Variants in PIK3C2G observed in about 807,000 individuals in gnomAD.
PIK3C2G encodes phosphatidylinositol 3-kinase C2 domain-containing subunit gamma.
PIK3C2G carries 168 observed loss-of-function variants against 181.1 expected under a neutral mutation model. The observed-to-expected ratio is 0.93, with a 90% CI of 0.82 to 1.05. The LOEUF (loss-of-function observed/expected upper bound fraction) is 1.05. PIK3C2G is among the 50% of genes least tolerant of loss of function. The pLI, the probability that PIK3C2G is intolerant of heterozygous loss-of-function variation, is 0.00. For missense variants in PIK3C2G, 1,869 were observed against 1,732.8 expected, an observed-to-expected ratio of 1.08 and a Z score of -1.40; for synonymous variants, 573 against 592.2, an observed-to-expected ratio of 0.97 and a Z score of 0.47.
chr12:18,366,273 T>C (rs1198066294), intron 12 of PIK3C2G, among the ~76,000 whole-genome samples: 1 of 152,230 alleles, frequency 6.6e-6, no homozygotes, highest in African/African-American at 2.4e-5. Context: ...CCAGGTGCAG[T>C]GGCTCACTCC....
At chr12:18,516,740 A>G (rs1477954678) in intron 24 of PIK3C2G, among the ~76,000 whole-genome samples, 1 of 151,866 alleles carries the variant, frequency 6.6e-6, no homozygotes, top group Non-Finnish European at 1.5e-5. Flanking sequence ...AACAAGTCTA[A>G]ATGGGGTTTT....
intron 31 of PIK3C2G, among the ~76,000 whole-genome samples, chr12:18,622,943 T>G (rs1948929167): frequency 6.6e-6 from 1 of 151,886 alleles, no homozygotes; most frequent in Non-Finnish European, 1.5e-5. Context: ...ATTTGGATAT[T>G]AATTCCTTAT....
intron 29 of PIK3C2G, among the ~76,000 whole-genome samples, chr12:18,585,316 T>C (rs1946711096): frequency 6.8e-6 from 1 of 146,740 alleles, no homozygotes; most frequent in Non-Finnish European, 1.5e-5. Flanking sequence ...GTGACACAAA[T>C]AGACTCAAAA....
At chr12:18,296,412 C>T (rs754729043) in intron 5 of PIK3C2G, among the ~76,000 whole-genome samples, 45 of 152,178 alleles carry the variant, frequency 3.0e-4, no homozygotes, top group Non-Finnish European at 6.2e-4. Flanking sequence ...TGCCGGTCTA[C>T]AGCCCACATT....
intron 24 of PIK3C2G, among the ~76,000 whole-genome samples, chr12:18,529,351 A>T (rs1231502599): frequency 1.3e-5 from 2 of 152,130 alleles, no homozygotes; most frequent in African/African-American, 4.8e-5. Context: ...GATTTTTCTT[A>T]CTTTTTTAAA....
At chr12:18,399,554 A>C in intron 15 of PIK3C2G, 105 bp from the exon 16 acceptor site, 1 of 556,434 alleles carries the variant, frequency 1.8e-6, no homozygotes, top group Non-Finnish European at 3.0e-6. Flanking sequence ...GTAAACTAAA[A>C]TAAAATTCAA....
chr12:18,617,258 T>C (rs990258937), intron 31 of PIK3C2G, among the ~76,000 whole-genome samples: 2 of 152,126 alleles, frequency 1.3e-5, no homozygotes, highest in Non-Finnish European at 2.9e-5. Flanking sequence ...TCACCTATCA[T>C]TCAACTCATT....
intron 9 of PIK3C2G, among the ~76,000 whole-genome samples, chr12:18,341,514 T>A (rs767879672): frequency 3.3e-5 from 5 of 152,202 alleles, no homozygotes; most frequent in Non-Finnish European, 5.9e-5. Context: ...ATTTAATATA[T>A]GTCAATAGAC....
At chr12:18,423,079 T>A (rs956008159) in intron 17 of PIK3C2G, among the ~76,000 whole-genome samples, 2 of 151,980 alleles carry the variant, frequency 1.3e-5, no homozygotes, top group African/African-American at 4.8e-5. Context: ...GTACTCATTT[T>A]TTCCTGCTGT....
chr12:18,353,165 T>G (rs1187332225), intron 11 of PIK3C2G, among the ~76,000 whole-genome samples: 1 of 152,170 alleles, frequency 6.6e-6, no homozygotes, highest in Non-Finnish European at 1.5e-5. Flanking sequence ...CAATCTTAGC[T>G]ACTTCCTGCT....
intron 24 of PIK3C2G, among the ~76,000 whole-genome samples, chr12:18,510,202 C>T (rs752490272): frequency 6.6e-6 from 1 of 152,138 alleles, no homozygotes; most frequent in Non-Finnish European, 1.5e-5. Flanking sequence ...AACTCCTAGG[C>T]TCAAACAATT....
chr12:18,600,029 C>T, intron 30 of PIK3C2G, among the ~76,000 whole-genome samples: 1 of 151,608 alleles, frequency 6.6e-6, no homozygotes, highest in Non-Finnish European at 1.5e-5. Flanking sequence ...TTATGAAAGA[C>T]CAAATGGAAA....
rs1051458123 is a variant in PIK3C2G, at chr12:18,567,993, T to C, written c.4011+936T>C. On this transcript the variant is annotated intron_variant, in intron 29 of 32. Coordinates refer to ENST00000538779, the MANE Select transcript of PIK3C2G (RefSeq NM_001288772.2). ...CGACACAGTGGCACACTTTGACCTCTGAGTGTGTCATCACATCTTCTTTGG... is the reference window on the plus strand; with the variant it reads ...CGACACAGTGGCACACTTTGACCTCCGAGTGTGTCATCACATCTTCTTTGG... 9.2e-5 allele frequency among the ~76,000 whole-genome samples: 14 copies of C among 152,304 alleles called. No homozygotes were observed. The East Asian group carries it at 2.7e-3, about 29-fold the overall frequency.
intron 31 of PIK3C2G, among the ~76,000 whole-genome samples, chr12:18,620,769 C>G (rs1291927017): frequency 6.6e-6 from 1 of 151,964 alleles, no homozygotes; most frequent in Non-Finnish European, 1.5e-5. Flanking sequence ...TCCTTTTTAA[C>G]CTTGTTGGAT....
intron 14 of PIK3C2G, among the ~76,000 whole-genome samples, chr12:18,387,556 T>G (rs1474070262): frequency 6.6e-6 from 1 of 152,136 alleles, no homozygotes; most frequent in Non-Finnish European, 1.5e-5. Flanking sequence ...CCACCCCTCC[T>G]CTGACTCTGT....
intron 12 of PIK3C2G, 178 bp downstream of exon 12, chr12:18,363,064 A>G: frequency 2.1e-6 from 1 of 472,734 alleles, no homozygotes; most frequent in South Asian, 3.5e-5. Flanking sequence ...CAACAGATTA[A>G]AAGTCCATTT....
intron 18 of PIK3C2G, among the ~76,000 whole-genome samples, chr12:18,445,976 T>C (rs1947000960): frequency 6.6e-6 from 1 of 152,204 alleles, no homozygotes; most frequent in South Asian, 2.1e-4. Flanking sequence ...GACTTAATTT[T>C]CATTGTAGTC....
intron 26 of PIK3C2G, among the ~76,000 whole-genome samples, chr12:18,559,935 C>A (rs1163749290): frequency 6.7e-6 from 1 of 148,840 alleles, no homozygotes; most frequent in African/African-American, 2.5e-5. Flanking sequence ...CCTCCACCTC[C>A]CAGATCCAAG....
intron 25 of PIK3C2G, among the ~76,000 whole-genome samples, chr12:18,544,130 G>A (rs1184161247): frequency 6.6e-6 from 1 of 151,780 alleles, no homozygotes; most frequent in Admixed American, 6.6e-5. Flanking sequence ...GAGAGAAAAG[G>A]CAATTCCAGC....
Sources: allele counts gnomAD v4.1 joint callset (sites outside exome capture counted in the v4.1 genomes callset), GRCh38; gene constraint gnomAD v4.1.1; transcripts MANE v1.5; gene names NCBI Gene and HGNC (gene_info 2026-07-23, HGNC 2026-07-21).